Variants in MAP2K4 observed in about 807,000 individuals in gnomAD.
The protein encoded by MAP2K4 is dual specificity mitogen-activated protein kinase kinase 4.
Under a neutral mutation model 48.5 loss-of-function variants are expected in MAP2K4, and 4 were observed. The ratio of observed to expected loss-of-function variants is 0.08; its 90% CI spans 0.04 to 0.19. MAP2K4 has a LOEUF of 0.19. Among genes scored for constraint, MAP2K4 ranks in the 10% least tolerant of loss-of-function variants. MAP2K4 has a pLI of 1.00. For synonymous variants in MAP2K4, 166 were observed against 173.1 expected (o/e 0.96, Z 0.32); for missense variants, 258 against 493.3 (o/e 0.52, Z 4.52).
chr17:12,041,617 C>A (rs1025419412), intron 1 of MAP2K4, among the ~76,000 whole-genome samples: 22 of 152,022 alleles, frequency 1.4e-4, no homozygotes, highest in African/African-American at 5.3e-4. Context: ...TTTCAGAGAA[C>A]CTGCATAACA....
chr17:12,051,440 G>A (rs551692001), intron 1 of MAP2K4, among the ~76,000 whole-genome samples: 12 of 152,236 alleles, frequency 7.9e-5, no homozygotes, highest in Admixed American at 2.6e-4. Flanking sequence ...AGAATCTCTC[G>A]CAGGAAACCG....
At chr17:12,029,166 G>A (rs890976313) in intron 1 of MAP2K4, among the ~76,000 whole-genome samples, 1 of 152,098 alleles carries the variant, frequency 6.6e-6, no homozygotes, top group South Asian at 2.1e-4. Flanking sequence ...TAAAATTGAG[G>A]TAAGAGGGTG....
At chr17:12,129,090 A>G in intron 8 of MAP2K4, 49 bp from the exon 9 acceptor site, 2 of 1,595,136 alleles carry the variant, frequency 1.3e-6, no homozygotes, top group Non-Finnish European at 8.6e-7. Flanking sequence ...AGTGGGGAGT[A>G]GTAAATGATG....
At chr17:12,103,806 A>T (rs1460879283) in intron 4 of MAP2K4, among the ~76,000 whole-genome samples, 1 of 152,150 alleles carries the variant, frequency 6.6e-6, no homozygotes, top group African/African-American at 2.4e-5. Flanking sequence ...TATTCAACAT[A>T]GTTTTCAAGA....
At chr17:12,057,893 A>G (rs912969428) in intron 2 of MAP2K4, among the ~76,000 whole-genome samples, 3 of 152,074 alleles carry the variant, frequency 2.0e-5, no homozygotes, top group African/African-American at 7.2e-5. Context: ...TGTTGTTTGA[A>G]TTATTGATTT....
chr17:12,031,806 G>A (rs1969445250), intron 1 of MAP2K4, among the ~76,000 whole-genome samples: 2 of 152,102 alleles, frequency 1.3e-5, no homozygotes, highest in Admixed American at 6.5e-5. Flanking sequence ...TGTTTTATGT[G>A]TGTGTAAGTT....
chr17:12,108,260 G>C (rs756744346), intron 5 of MAP2K4, among the ~76,000 whole-genome samples: 1 of 152,068 alleles, frequency 6.6e-6, no homozygotes, highest in South Asian at 2.1e-4. Flanking sequence ...AATCACAGCA[G>C]TCTCCTTGAA....
chr17:12,124,248 G>A (rs1056180037), intron 7 of MAP2K4: 9 of 152,094 alleles, frequency 5.9e-5, no homozygotes, highest in African/African-American at 9.7e-5. Flanking sequence ...CAGACTTAGC[G>A]AAGGATCCAT....
chr17:12,084,343 TGTGAACATG>T (rs1239647977), intron 3 of MAP2K4, among the ~76,000 whole-genome samples: 2 of 152,202 alleles, frequency 1.3e-5, no homozygotes, highest in African/African-American at 4.8e-5. Flanking sequence ...GGACCTAAGA[TGTGAACATG>T]GTTTACCCTT....
At chr17:12,041,019 C>T (rs750814268) in intron 1 of MAP2K4, among the ~76,000 whole-genome samples, 21 of 152,306 alleles carry the variant, frequency 1.4e-4, no homozygotes, top group Admixed American at 6.5e-4. Context: ...ACATTTCAGT[C>T]GAGATTCTCT....
intron 9 of MAP2K4, among the ~76,000 whole-genome samples, chr17:12,138,896 T>C (rs1018510220): frequency 3.9e-5 from 6 of 152,162 alleles, no homozygotes; most frequent in South Asian, 2.1e-4. Flanking sequence ...TCATTAGAGA[T>C]GGACTGTCCC....
intron 4 of MAP2K4, among the ~76,000 whole-genome samples, chr17:12,096,228 A>T (rs1330018879): frequency 6.6e-6 from 1 of 152,068 alleles, no homozygotes; most frequent in Non-Finnish European, 1.5e-5. Context: ...AATATAAATT[A>T]TTTTTTTCTA....
chr17:12,103,871 A>G (rs921532480), intron 4 of MAP2K4, among the ~76,000 whole-genome samples: 6 of 152,204 alleles, frequency 3.9e-5, no homozygotes, highest in Admixed American at 2.0e-4. Context: ...TTTTAACTGT[A>G]GTATTCTAAT....
At chr17:12,101,148 A>G (rs1971924458) in intron 4 of MAP2K4, among the ~76,000 whole-genome samples, 1 of 152,038 alleles carries the variant, frequency 6.6e-6, no homozygotes, top group South Asian at 2.1e-4. Context: ...CTCACTTAAG[A>G]TTATCTCTTA....
At chr17:12,075,447 G>T (rs1431828201) in intron 2 of MAP2K4, among the ~76,000 whole-genome samples, 2 of 152,176 alleles carry the variant, frequency 1.3e-5, no homozygotes, top group Non-Finnish European at 2.9e-5. Context: ...ACAAGGGAAG[G>T]TAAACAACAA....
intron 1 of MAP2K4, among the ~76,000 whole-genome samples, chr17:12,032,994 C>T (rs1969484680): frequency 6.6e-6 from 1 of 152,082 alleles, no homozygotes; most frequent in Non-Finnish European, 1.5e-5. Flanking sequence ...TGCCACCATG[C>T]CTGACTGACT....
chr17:12,075,720 C>T (rs1356515410), intron 2 of MAP2K4, among the ~76,000 whole-genome samples: 1 of 152,180 alleles, frequency 6.6e-6, no homozygotes, highest in Non-Finnish European at 1.5e-5. Context: ...TGACTAGGTA[C>T]AGTGGGCACC....
chr17:12,041,001 A>G (rs1329680044), intron 1 of MAP2K4, among the ~76,000 whole-genome samples: 2 of 152,250 alleles, frequency 1.3e-5, no homozygotes, highest in Non-Finnish European at 2.9e-5. Flanking sequence ...GTAAGTAACA[A>G]ATTAGAAACA....
chr17:12,070,375 G>C (rs548105330), intron 2 of MAP2K4, among the ~76,000 whole-genome samples: 4 of 152,220 alleles, frequency 2.6e-5, no homozygotes, highest in South Asian at 2.1e-4. Context: ...CCATCTTAGC[G>C]TACTTACCTA....
Sources: allele counts gnomAD v4.1 joint callset (sites outside exome capture counted in the v4.1 genomes callset), GRCh38; gene constraint gnomAD v4.1.1; transcripts MANE v1.5; gene names NCBI Gene and HGNC (gene_info 2026-07-23, HGNC 2026-07-21).